NTRK2: variants seen among roughly 807,000 people sequenced by gnomAD.
The protein encoded by NTRK2 is neurotrophic receptor tyrosine kinase 2.
A neutral mutation model predicts 94.5 loss-of-function variants in NTRK2; 13 were observed. The ratio of observed to expected loss-of-function variants is 0.14; its 90% CI spans 0.09 to 0.22. The LOEUF (loss-of-function observed/expected upper bound fraction) is 0.22, where lower values mean the gene tolerates loss of function less well. Ranked by LOEUF, NTRK2 falls within the 10% of genes least tolerant of loss-of-function variation. NTRK2 has a pLI of 1.00. For synonymous variants in NTRK2, 372 were observed against 407.4 expected (o/e 0.91, Z 1.05); for missense variants, 639 against 1,071.2 (o/e 0.60, Z 5.63).
At chr9:84,702,688 T>C (rs2060805958) in intron 4 of NTRK2, among the ~76,000 whole-genome samples, 1 of 152,222 alleles carries the variant, frequency 6.6e-6, no homozygotes, top group Non-Finnish European at 1.5e-5. Context: ...AGGAGTCTGA[T>C]GTGAAAACTG....
intron 14 of NTRK2, among the ~76,000 whole-genome samples, chr9:84,918,235 A>G (rs2077456243): frequency 6.6e-6 from 1 of 152,248 alleles, no homozygotes; most frequent in South Asian, 2.1e-4. Context: ...AACAGCGCCA[A>G]GCAATCAGGT....
intron 17 of NTRK2, among the ~76,000 whole-genome samples, chr9:84,971,951 T>G (rs1826238641): frequency 6.6e-6 from 1 of 152,204 alleles, no homozygotes; most frequent in Non-Finnish European, 1.5e-5. Flanking sequence ...TGTCATTCTA[T>G]GACCTTGTTT....
At chr9:84,856,520 T>C (rs1443694362) in intron 12 of NTRK2, among the ~76,000 whole-genome samples, 2 of 152,164 alleles carry the variant, frequency 1.3e-5, no homozygotes, top group Non-Finnish European at 1.5e-5. Flanking sequence ...TCATTCTAGA[T>C]CTCAGATGTG....
intron 12 of NTRK2, among the ~76,000 whole-genome samples, chr9:84,806,219 T>C (rs1564318689): frequency 6.6e-6 from 1 of 152,056 alleles, no homozygotes. Flanking sequence ...AAACACAAGT[T>C]TTAAAAGGTA....
At chr9:84,798,743 A>T (rs572876993) in intron 12 of NTRK2, among the ~76,000 whole-genome samples, 1 of 152,150 alleles carries the variant, frequency 6.6e-6, no homozygotes, top group South Asian at 2.1e-4. Flanking sequence ...TTTGGTGCGT[A>T]TGTTGACCAG....
At chr9:84,748,314 G>A (rs751404154) in intron 11 of NTRK2, among the ~76,000 whole-genome samples, 5 of 152,218 alleles carry the variant, frequency 3.3e-5, no homozygotes, top group Admixed American at 6.5e-5. Flanking sequence ...AGGCATCCTT[G>A]TTTACGAAAG....
chr9:85,013,456 C>A (rs1460932959), intron 17 of NTRK2, among the ~76,000 whole-genome samples: 3 of 152,102 alleles, frequency 2.0e-5, no homozygotes, highest in African/African-American at 7.2e-5. Flanking sequence ...GTGCGTGACA[C>A]CACCCATGGC....
intron 12 of NTRK2, among the ~76,000 whole-genome samples, chr9:84,799,936 A>G (rs2070191447): frequency 6.6e-6 from 1 of 152,208 alleles, no homozygotes. Flanking sequence ...TAAGTTTATA[A>G]TTATATAGTA....
intron 9 of NTRK2, among the ~76,000 whole-genome samples, chr9:84,730,029 C>T (rs2062728051): frequency 6.6e-6 from 1 of 152,196 alleles, no homozygotes. Flanking sequence ...TGGTGCTTCT[C>T]AAACATTCCC....
At chr9:84,808,079 G>T (rs1319462957) in intron 12 of NTRK2, among the ~76,000 whole-genome samples, 2 of 152,114 alleles carry the variant, frequency 1.3e-5, no homozygotes, top group Non-Finnish European at 2.9e-5. Context: ...TACTTCTTTG[G>T]GAAGGATGGA....
At chr9:84,936,853 C>A (rs138254163) in intron 15 of NTRK2, among the ~76,000 whole-genome samples, 11 of 151,982 alleles carry the variant, frequency 7.2e-5, no homozygotes, top group Non-Finnish European at 2.9e-5. Context: ...AGTGACCTTA[C>A]ATGTGAATTT....
intron 12 of NTRK2, among the ~76,000 whole-genome samples, chr9:84,837,325 G>C (rs953569394): frequency 2.0e-5 from 3 of 152,150 alleles, no homozygotes; most frequent in African/African-American, 7.2e-5. Flanking sequence ...TGGGGATCAA[G>C]AGCCCACTTG....
intron 14 of NTRK2, chr9:84,871,890 G>C (rs2075879194): frequency 1.9e-6 from 3 of 1,613,030 alleles, no homozygotes; most frequent in Non-Finnish European, 2.5e-6. Context: ...CCTGATGGAG[G>C]AGAAGAGTTC....
chr9:84,814,062 T>C lies in NTRK2; in HGVS notation c.1397-46978T>C, dbSNP rs902978668. The C allele has an allele frequency of 2.8e-6, 3 of 1,064,936 alleles. No individual in the cohort carries two copies. The African/African-American group carries it at 4.9e-5, about 17-fold the overall frequency. The allele number at this position is 1,064,936 out of a possible 1,614,324, so 66.0% of individuals were successfully genotyped here. A position where few individuals can be genotyped will look rare whatever the true frequency, so the allele number is the denominator to read the frequency against. ...AAATCTCAACACACATTAGAGATAA[T>C]TGATTCAGGGGTTTTCTCTCCCAGT... On this transcript the variant is annotated intron_variant, in intron 12 of 18. Transcript: ENST00000277120.
chr9:84,783,407 G>C (rs1001794683), intron 12 of NTRK2, among the ~76,000 whole-genome samples: 18 of 152,196 alleles, frequency 1.2e-4, no homozygotes, highest in Non-Finnish European at 2.2e-4. Context: ...GACATTTCCT[G>C]AGTCAGATTC....
intron 14 of NTRK2, among the ~76,000 whole-genome samples, chr9:84,920,260 G>A (rs189222247): frequency 6.6e-6 from 1 of 152,214 alleles, no homozygotes; most frequent in African/African-American, 2.4e-5. Flanking sequence ...TCTTAGGTTG[G>A]GGGACCCTAG....
intron 12 of NTRK2, among the ~76,000 whole-genome samples, chr9:84,786,322 G>T (rs1267647013): frequency 6.6e-6 from 1 of 152,166 alleles, no homozygotes; most frequent in African/African-American, 2.4e-5. Context: ...ACAACCTCAT[G>T]AGTTAAACAA....
chr9:84,854,618 A>G lies in NTRK2; in HGVS notation c.1397-6422A>G, dbSNP rs1299020488. On this transcript the variant is annotated intron_variant, in intron 12 of 18. Coordinates refer to ENST00000277120, the MANE Select transcript of NTRK2 (RefSeq NM_006180.6). ...GGTCCCTCTGATAGTGTGATATTTG[A>G]CCTGAAACCTGAAAAACAAGAAGTA... 2.0e-5 allele frequency among the ~76,000 whole-genome samples: 3 copies of G among 151,970 alleles called. No homozygotes were observed. The East Asian group carries it at 5.8e-4, about 29-fold the overall frequency.
At chr9:84,821,546 T>A (rs2072833304) in intron 12 of NTRK2, among the ~76,000 whole-genome samples, 1 of 152,224 alleles carries the variant, frequency 6.6e-6, no homozygotes, top group Non-Finnish European at 1.5e-5. Flanking sequence ...GAAGTTTTGC[T>A]GAGAAGAAAT....
Sources: allele counts gnomAD v4.1 joint callset (sites outside exome capture counted in the v4.1 genomes callset), GRCh38; gene constraint gnomAD v4.1.1; transcripts MANE v1.5; gene names NCBI Gene and HGNC (gene_info 2026-07-23, HGNC 2026-07-21).